The following ABCG1 variants were observed in gnomAD, a reference collection of about 807,000 sequenced individuals.
The protein encoded by ABCG1 is ATP binding cassette subfamily G member 1, also known as ATP-binding cassette sub-family G member 1.
Under a neutral mutation model 69.2 loss-of-function variants are expected in ABCG1, and 29 were observed. The ratio of observed to expected loss-of-function variants is 0.42; its 90% CI spans 0.31 to 0.57. The LOEUF is 0.57. ABCG1 is among the 20% of genes least tolerant of loss of function. The pLI, the probability that ABCG1 is intolerant of heterozygous loss-of-function variation, is 0.15. For synonymous variants in ABCG1, 370 were observed against 374.8 expected, an observed-to-expected ratio of 0.99 and a Z score of 0.15; for missense variants, 718 against 898.1, an observed-to-expected ratio of 0.80 and a Z score of 2.56.
intron 11 of ABCG1, 89 bp downstream of exon 11, chr21:42,290,307 A>T: frequency 7.1e-7 from 1 of 1,411,194 alleles, no homozygotes; most frequent in Non-Finnish European, 9.7e-7. Flanking sequence ...CCAACAGATG[A>T]GTTTTCTAAA....
chr21:42,255,530 T>C (rs2068289747), intron 2 of ABCG1, among the ~76,000 whole-genome samples: 1 of 152,186 alleles, frequency 6.6e-6, no homozygotes, highest in South Asian at 2.1e-4. Context: ...GTGTGCACAC[T>C]GTGTGTACAG....
intron 2 of ABCG1, among the ~76,000 whole-genome samples, chr21:42,266,636 T>A (rs1480919716): frequency 6.6e-6 from 1 of 152,194 alleles, no homozygotes; most frequent in Non-Finnish European, 1.5e-5. Flanking sequence ...CCCATCTCTG[T>A]CCTCTGGCGA....
intron 2 of ABCG1, among the ~76,000 whole-genome samples, chr21:42,243,975 C>A (rs8127035): frequency 0.032 from 4,900 of 151,980 alleles, 90 homozygotes; most frequent in African/African-American, 0.05. Context: ...CCCGCCACCA[C>A]GCCCGGCTAA....
rs150534680 is a variant in ABCG1 at position 42,231,566 on chromosome 21, G to A, written c.286+5652G>A. Among the ~76,000 whole-genome samples the A allele has an allele frequency of 3.4e-3, 517 of 152,346 alleles. 4 individuals are homozygous for A. The highest frequency in any genetic ancestry group is 0.012 in the African/African-American group (497 of 41,578). ...ATAGCCATTTCACAAGGCCTGTAAT[G>A]ACAGGCCAGCTAAAGTGCATGGAAG... On this transcript the variant is annotated intron_variant, in intron 2 of 14. Transcript: ENST00000398449.
At chr21:42,201,356 T>G (rs950109631) in intron 1 of ABCG1, among the ~76,000 whole-genome samples, 2 of 152,082 alleles carry the variant, frequency 1.3e-5, no homozygotes, top group Non-Finnish European at 2.9e-5. Context: ...TTTTCACTCC[T>G]ATGAGAGTCT....
chr21:42,256,232 A>G (rs2068301305), intron 2 of ABCG1: 2 of 1,457,014 alleles, frequency 1.4e-6, no homozygotes, highest in Non-Finnish European at 1.8e-6. Context: ...TACAAGAAAG[A>G]TGCTAGCAGT....
Position 42,283,029 on chromosome 21 carries a change from G to A in ABCG1, c.734+610G>A, listed in dbSNP as rs142997009. 3.1e-3 allele frequency among the ~76,000 whole-genome samples: 475 copies of A among 152,280 alleles called. 5 individuals carry two copies. Among genetic ancestry groups the A allele is most frequent in the African/African-American group, 0.011 (451 of 41,544 alleles). On this transcript the variant is annotated intron_variant, in intron 6 of 14. Transcript: ENST00000398449. ...AGTCCTGGATCTGGTGCCCCCAGCCGCAGGTTGAGCTCGCCTGACTCCTGC... is the reference window on the plus strand; with the variant it reads ...AGTCCTGGATCTGGTGCCCCCAGCCACAGGTTGAGCTCGCCTGACTCCTGC...
Position 42,288,423 on chromosome 21 carries a change from T to G in ABCG1, c.1224+111T>G, listed in dbSNP as rs551082106. On this transcript the variant is annotated intron_variant, in intron 10 of 14. Transcript: ENST00000398449. The surrounding 1 kb of genome is among the most constrained non-coding windows in gnomAD (Gnocchi z 4.8). ...TCTCACATTGCTATAAAGAAATTCA[T>G]GAGGCCAGGCATGGTGACTCATGTC... 3.7e-6 allele frequency: 3 copies of G among 814,566 alleles called. No individual in the cohort carries two copies. The South Asian group carries it at 5.1e-5, about 14-fold the overall frequency. The allele number at this position is 814,566 out of a possible 1,614,324, so 50.5% of individuals were successfully genotyped here. A position where few individuals can be genotyped will look rare whatever the true frequency, so the allele number is the denominator to read the frequency against.
At chr21:42,201,584 C>G (rs2067506661) in exon 2 of ABCG1, 1 of 1,541,454 alleles carries the variant, frequency 6.5e-7, no homozygotes, top group Non-Finnish European at 8.8e-7. Flanking sequence ...CAGCGCTACA[C>G]CAACCTGAAC....
At chr21:42,293,535 C>CA (rs2069133474) in intron 13 of ABCG1, among the ~76,000 whole-genome samples, 2 of 146,380 alleles carry the variant, frequency 1.4e-5, no homozygotes, top group Non-Finnish European at 1.5e-5. Context: ...ATACTACACA[C>CA]CACGCACTAC....
At chr21:42,265,897 C>T (rs553917177) in intron 2 of ABCG1, among the ~76,000 whole-genome samples, 7 of 152,304 alleles carry the variant, frequency 4.6e-5, no homozygotes, top group East Asian at 3.9e-4. Flanking sequence ...GCTTGCCCCT[C>T]GTGGCTTGAG....
At chr21:42,286,084 A>G (rs2068935489) in intron 8 of ABCG1, 90 bp downstream of exon 8, 5 of 841,520 alleles carry the variant, frequency 5.9e-6, no homozygotes. Flanking sequence ...CAACTCAGAA[A>G]CCACTTGACT....
intron 1 of ABCG1, chr21:42,201,563 C>T (rs754271566): frequency 2.0e-6 from 3 of 1,493,304 alleles, no homozygotes; most frequent in Non-Finnish European, 1.8e-6. Context: ...CGACCTTCTT[C>T]CACTCCACCA....
Position 42,252,425 on chromosome 21 carries a change from G to A in ABCG1, c.287-18645G>A, listed in dbSNP as rs370247021. 4.1e-4 allele frequency among the ~76,000 whole-genome samples: 63 copies of A among 152,266 alleles called. No individual in the cohort carries two copies. The East Asian group carries it at 8.5e-3, about 20-fold the overall frequency. On this transcript the variant is annotated intron_variant, in intron 2 of 14. Coordinates refer to ENST00000398449, the MANE Select transcript of ABCG1 (RefSeq NM_016818.3). Reference sequence around the variant, plus strand: ...AGCTCCTTAATGTCTGTGTGTGGACGGGCCAAGTGCGAGCCAGTGTGTGGG... The same window carrying A: ...AGCTCCTTAATGTCTGTGTGTGGACAGGCCAAGTGCGAGCCAGTGTGTGGG...
intron 5 of ABCG1, among the ~76,000 whole-genome samples, chr21:42,281,216 G>A (rs1442996195): frequency 6.6e-6 from 1 of 152,198 alleles, no homozygotes; most frequent in East Asian, 1.9e-4. Flanking sequence ...CTCCCTAGAG[G>A]AGCCGCTGGA....
Position 42,252,704 on chromosome 21 carries a change from G to A in ABCG1, c.287-18366G>A, listed in dbSNP as rs368276610. On this transcript the variant is annotated intron_variant, in intron 2 of 14. Transcript: ENST00000398449. ...AGGACAAGGGGCACCTTCCTGGCCC[G>A]GTGACTGCAGCTTGGGGATCACCCT... 1.3e-5 allele frequency among the ~76,000 whole-genome samples: 2 copies of A among 152,032 alleles called. 1 individual carries two copies. The highest frequency in any genetic ancestry group is 4.1e-4 in the South Asian group (2 of 4,824).
At chr21:42,265,509 A>C (rs1476438112) in intron 2 of ABCG1, among the ~76,000 whole-genome samples, 3 of 152,134 alleles carry the variant, frequency 2.0e-5, no homozygotes, top group Non-Finnish European at 2.9e-5. Context: ...CAGAGGAGAG[A>C]TCAAAGGGAG....
chr21:42,250,702 G>A (rs1451285153), intron 2 of ABCG1, among the ~76,000 whole-genome samples: 2 of 152,190 alleles, frequency 1.3e-5, no homozygotes, highest in Non-Finnish European at 2.9e-5. Context: ...TCTCTCCCGC[G>A]GTACCCTCCA....
chr21:42,211,127 T>G (rs1341846301), upstream of ABCG1, among the ~76,000 whole-genome samples: 1 of 152,026 alleles, frequency 6.6e-6, no homozygotes, highest in Non-Finnish European at 1.5e-5. Context: ...ATCTAGCTAA[T>G]TTTTGTATTT....
Sources: allele counts gnomAD v4.1 joint callset (sites outside exome capture counted in the v4.1 genomes callset), GRCh38; gene constraint gnomAD v4.1.1; non-coding constraint Gnocchi (gnomAD v3.1); transcripts MANE v1.5; gene names NCBI Gene and HGNC (gene_info 2026-07-23, HGNC 2026-07-21).